Variants in EFHD1 observed in about 807,000 individuals in gnomAD.
The protein encoded by EFHD1 is EF-hand domain family member D1, also known as EF-hand domain-containing protein D1.
A neutral mutation model predicts 17.2 loss-of-function variants in EFHD1; 10 were observed. The observed-to-expected ratio is 0.58, with a 90% CI of 0.36 to 0.99. The LOEUF is 0.99. Ranked by LOEUF, EFHD1 falls within the 50% of genes least tolerant of loss-of-function variation. EFHD1 has a pLI of 0.01. For missense variants in EFHD1, 310 were observed against 327.5 expected, an observed-to-expected ratio of 0.95 and a Z score of 0.41; for synonymous variants, 153 against 142.0, an observed-to-expected ratio of 1.08 and a Z score of -0.55.
At chr2:232,607,196 C>T (rs1214732156) in intron 1 of EFHD1, among the ~76,000 whole-genome samples, 54 of 152,058 alleles carry the variant, frequency 3.6e-4, no homozygotes, top group Non-Finnish European at 4.4e-5. Flanking sequence ...AATTCCAGCA[C>T]TTTGGGAAGC....
chr2:232,634,006 T>G lies in EFHD1; in HGVS notation c.302T>G (p.Leu101Arg), dbSNP rs778184138. ...AAGGACCTGGAGAGCATGTTCAAAC[T>G]GTGAGCTCCCGCTGCGCGCCCTTCG... ...LIKDLESMFK[L>R]YDAGRDGFID... The change falls in exon 1 of 4, where the codon CTG becomes CGG. Residue 101 changes from leucine (L) to arginine (R), a missense_variant and splice_region_variant. Leu to Arg is a moderately radical substitution (Grantham distance 102). Transcript: ENST00000264059. 5.0e-6 allele frequency: 8 copies of G among 1,597,304 alleles called. No individual in the cohort carries two copies. In the South Asian group the frequency reaches 7.7e-5, roughly 15 times the overall value.
chr2:232,646,620 T>C (rs1185601112), intron 1 of EFHD1, among the ~76,000 whole-genome samples: 1 of 151,980 alleles, frequency 6.6e-6, no homozygotes, highest in Non-Finnish European at 1.5e-5. Flanking sequence ...AATTTTTGTA[T>C]TTTTAGTAGA....
chr2:232,681,534 G>A (rs748062430), intron 3 of EFHD1, 51 bp from the exon 4 acceptor site: 118 of 1,591,178 alleles, frequency 7.4e-5, no homozygotes, highest in Non-Finnish European at 9.7e-5. Context: ...CAGCTCCAGG[G>A]TCCTCTGCCC....
At chr2:232,676,033 G>A (rs555285200) in intron 3 of EFHD1, among the ~76,000 whole-genome samples, 6 of 152,102 alleles carry the variant, frequency 3.9e-5, no homozygotes, top group South Asian at 2.1e-4. Context: ...AAAATTAGCC[G>A]GGCATGGTGG....
intron 1 of EFHD1, among the ~76,000 whole-genome samples, chr2:232,616,251 C>T (rs571959364): frequency 6.6e-6 from 1 of 152,062 alleles, no homozygotes; most frequent in African/African-American, 2.4e-5. Context: ...GAGACATGCT[C>T]AGTGAAATAA....
At chr2:232,675,098 C>T (rs1008640176) in intron 3 of EFHD1, among the ~76,000 whole-genome samples, 1 of 151,398 alleles carries the variant, frequency 6.6e-6, no homozygotes, top group African/African-American at 2.4e-5. Flanking sequence ...ATTGCTTGAA[C>T]CCGGGAGGCG....
chr2:232,674,780 A>G (rs1466091001), intron 3 of EFHD1, among the ~76,000 whole-genome samples: 1 of 152,150 alleles, frequency 6.6e-6, no homozygotes, highest in Non-Finnish European at 1.5e-5. Context: ...ATGTTCCAAG[A>G]TGAATGGGGA....
chr2:232,633,760 C>A lies in EFHD1; in HGVS notation c.56C>A (p.Ala19Asp), dbSNP rs11550701. ...GAGCGCCGGCTGCGGCGCGAGGAGGCCGAGGAGAGTGGCCCCCAGCTGGCT... is the reference window on the plus strand; with the variant it reads ...GAGCGCCGGCTGCGGCGCGAGGAGGACGAGGAGAGTGGCCCCCAGCTGGCT... ...KLERRLRREE[A>D]EESGPQLAPL... The change falls in exon 1 of 4, where the codon GCC (alanine) becomes GAC (aspartate). Residue 19 changes from alanine (A) to aspartate (D), a missense_variant. Ala to Asp is a moderately radical substitution (Grantham distance 126). Coordinates refer to ENST00000264059, the MANE Select transcript of EFHD1 (RefSeq NM_025202.4). 2.0e-6 allele frequency: 3 copies of A among 1,468,578 alleles called. No homozygotes were observed. The Admixed American group carries it at 7.5e-5, about 37-fold the overall frequency. 91.0% of individuals were successfully genotyped at this position (1,468,578 alleles called of 1,614,324 possible). A position where few individuals can be genotyped will look rare whatever the true frequency, so the allele number is the denominator to read the frequency against.
intron 1 of EFHD1, among the ~76,000 whole-genome samples, chr2:232,626,780 G>A (rs1358400502): frequency 6.6e-6 from 1 of 152,126 alleles, no homozygotes; most frequent in Admixed American, 6.5e-5. Flanking sequence ...GCTATTCACA[G>A]TTGGGTATTC....
At chr2:232,646,034 C>A (rs1694520337) in intron 1 of EFHD1, among the ~76,000 whole-genome samples, 1 of 152,154 alleles carries the variant, frequency 6.6e-6, no homozygotes, top group African/African-American at 2.4e-5. Context: ...ACCTCCAGGC[C>A]CTATTGGACC....
chr2:232,620,303 G>A (rs530243859), intron 1 of EFHD1, among the ~76,000 whole-genome samples: 19 of 151,540 alleles, frequency 1.3e-4, no homozygotes, highest in African/African-American at 3.9e-4. Context: ...CAGGAGAATG[G>A]CGTGAACCCG....
At chr2:232,652,626 C>A (rs542363254) in intron 1 of EFHD1, among the ~76,000 whole-genome samples, 3 of 152,132 alleles carry the variant, frequency 2.0e-5, no homozygotes, top group Non-Finnish European at 4.4e-5. Flanking sequence ...GTGATTAATT[C>A]TTCACAGGAC....
upstream of EFHD1, among the ~76,000 whole-genome samples, chr2:232,632,461 G>T (rs933705534): frequency 1.3e-5 from 2 of 152,190 alleles, no homozygotes; most frequent in African/African-American, 2.4e-5. Flanking sequence ...GGACAGACCC[G>T]TGTTTACAAG....
intron 1 of EFHD1, among the ~76,000 whole-genome samples, chr2:232,627,042 A>C (rs1473649): frequency 0.44 from 37,378 of 84,448 alleles, 7,580 homozygotes; most frequent in East Asian, 0.6. Flanking sequence ...CTCTCTATAT[A>C]TATATATATA....
intron 1 of EFHD1, among the ~76,000 whole-genome samples, chr2:232,637,701 T>A (rs529368444): frequency 6.6e-6 from 1 of 152,292 alleles, no homozygotes; most frequent in East Asian, 1.9e-4. Flanking sequence ...CCTTAGTTCG[T>A]TGGGCCCCTT....
chr2:232,638,811 C>G (rs72999778), intron 1 of EFHD1, among the ~76,000 whole-genome samples: 37 of 152,204 alleles, frequency 2.4e-4, no homozygotes, highest in African/African-American at 8.9e-4. Flanking sequence ...TAGCTTCAGT[C>G]AACAGTGATC....
chr2:232,636,796 C>G (rs1694326752), intron 1 of EFHD1, among the ~76,000 whole-genome samples: 1 of 152,194 alleles, frequency 6.6e-6, no homozygotes, highest in Non-Finnish European at 1.5e-5. Context: ...GCACTCTAGC[C>G]TGGGCAACAG....
At chr2:232,609,054 CTTTTTTTTTTTT>C in intron 1 of EFHD1, among the ~76,000 whole-genome samples, 1 of 82,264 alleles carries the variant, frequency 1.2e-5, no homozygotes, top group Non-Finnish European at 2.1e-5. Flanking sequence ...TGCATAAGTT[CTTTTTTTTTTTT>C]TTTTTTTTTT....
intron 1 of EFHD1, chr2:232,661,649 C>G (rs1356720151): frequency 6.7e-6 from 1 of 149,730 alleles, no homozygotes; most frequent in African/African-American, 2.5e-5. Context: ...TCACTGCCAC[C>G]TCCGCCTCCC....
Sources: allele counts gnomAD v4.1 joint callset (sites outside exome capture counted in the v4.1 genomes callset), GRCh38; gene constraint gnomAD v4.1.1; transcripts MANE v1.5; gene names NCBI Gene and HGNC (gene_info 2026-07-23, HGNC 2026-07-21).